PPP2R3A: variants seen among roughly 807,000 people sequenced by gnomAD.
PPP2R3A encodes protein phosphatase 2 regulatory subunit B''alpha, also known as serine/threonine-protein phosphatase 2A regulatory subunit B'' subunit alpha.
PPP2R3A carries 80 observed loss-of-function variants against 106.9 expected under a neutral mutation model. The ratio of observed to expected loss-of-function variants is 0.75; its 90% confidence interval spans 0.62 to 0.90. The LOEUF (loss-of-function observed/expected upper bound fraction) is 0.90, where lower values mean the gene tolerates loss of function less well. Among genes scored for constraint, PPP2R3A ranks in the 40% least tolerant of loss-of-function variants. The pLI is 0.00. For synonymous variants in PPP2R3A, 483 were observed against 468.3 expected (o/e 1.03, Z -0.41); for missense variants, 1,386 against 1,350.4 (o/e 1.03, Z -0.41).
At position 136,145,347 on chromosome 3, in the gene PPP2R3A, C is replaced by G; in HGVS notation, c.*181C>G. 1 of 707,070 alleles carries G rather than the reference C, an allele frequency of 1.4e-6. No homozygotes were observed. Among genetic ancestry groups the G allele is most frequent in the Non-Finnish European group, 2.1e-6 (1 of 485,336 alleles). 43.8% of individuals were successfully genotyped at this position (707,070 alleles called of 1,614,324 possible). ...TACACATTTAACTTAGGAGGCTCCT[C>G]CAATTTGCCTCAAACCTCTTACGGA... On this transcript the variant is annotated 3_prime_UTR_variant, in exon 14 of 14. Coordinates refer to ENST00000264977, the MANE Select transcript of PPP2R3A (RefSeq NM_002718.5).
At chr3:136,058,939 CA>C (rs1935977016) in intron 5 of PPP2R3A, among the ~76,000 whole-genome samples, 1 of 152,108 alleles carries the variant, frequency 6.6e-6, no homozygotes, top group Non-Finnish European at 1.5e-5. Context: ...TGGCTAGCCA[CA>C]TGCAGATTAA....
chr3:136,073,048 A>G (rs1402324389), intron 6 of PPP2R3A, among the ~76,000 whole-genome samples: 2 of 152,096 alleles, frequency 1.3e-5, no homozygotes, highest in East Asian at 3.9e-4. Context: ...GCTCACTGCA[A>G]GCTCCACCTC....
chr3:135,990,392 C>T (rs1243443892), intron 1 of PPP2R3A, among the ~76,000 whole-genome samples: 1 of 152,190 alleles, frequency 6.6e-6, no homozygotes, highest in Non-Finnish European at 1.5e-5. Flanking sequence ...TGATCTCCAT[C>T]AGGACCCAGG....
intron 5 of PPP2R3A, among the ~76,000 whole-genome samples, chr3:136,066,793 A>G (rs1022790402): frequency 4.6e-5 from 7 of 152,152 alleles, no homozygotes; most frequent in African/African-American, 1.7e-4. Context: ...CCTATGATCC[A>G]GTCACCTTCC....
intron 2 of PPP2R3A, among the ~76,000 whole-genome samples, chr3:136,022,567 G>A (rs552252969): frequency 1.2e-4 from 18 of 152,118 alleles, no homozygotes; most frequent in Middle Eastern, 3.4e-3. Flanking sequence ...AGAAAAAGCC[G>A]AAAATGTTCT....
At chr3:135,995,436 T>TA (rs562914239) in intron 1 of PPP2R3A, among the ~76,000 whole-genome samples, 12 of 151,116 alleles carry the variant, frequency 7.9e-5, no homozygotes, top group East Asian at 5.8e-4. Flanking sequence ...CTATGAGACT[T>TA]ACGTTGACAG....
At chr3:136,070,277 GA>G (rs1936384904) in intron 5 of PPP2R3A, among the ~76,000 whole-genome samples, 200 bp from the exon 6 acceptor site, 1 of 152,078 alleles carries the variant, frequency 6.6e-6, no homozygotes. Flanking sequence ...AACTTTTTTT[GA>G]AGTATGCTGT....
At chr3:136,135,150 G>A (rs916617173) in intron 13 of PPP2R3A, among the ~76,000 whole-genome samples, 1 of 152,130 alleles carries the variant, frequency 6.6e-6, no homozygotes, top group Non-Finnish European at 1.5e-5. Flanking sequence ...GTGAGGAGGG[G>A]TCACAAGAGG....
chr3:136,076,925 C>T (rs1317079908), intron 6 of PPP2R3A, among the ~76,000 whole-genome samples: 3 of 147,438 alleles, frequency 2.0e-5, no homozygotes, highest in South Asian at 2.1e-4. Flanking sequence ...CCAGCCTGGG[C>T]GACAGGGTGA....
chr3:136,144,997 C>A, intron 13 of PPP2R3A, 46 bp from the exon 14 acceptor site: 1 of 1,586,354 alleles, frequency 6.3e-7, no homozygotes, highest in East Asian at 2.3e-5. Flanking sequence ...TCTACCCAAA[C>A]TTTAATCAAT....
intron 1 of PPP2R3A, among the ~76,000 whole-genome samples, chr3:135,980,099 G>A (rs1937518591): frequency 1.3e-5 from 2 of 151,740 alleles, no homozygotes; most frequent in Non-Finnish European, 2.9e-5. Flanking sequence ...CATCATGAAT[G>A]CCCCGAAAGA....
At chr3:136,118,223 C>T (rs942742329) in intron 13 of PPP2R3A, among the ~76,000 whole-genome samples, 4 of 152,084 alleles carry the variant, frequency 2.6e-5, no homozygotes, top group Non-Finnish European at 5.9e-5. Context: ...TGATGGAACA[C>T]AGTCTCAAAA....
intron 13 of PPP2R3A, among the ~76,000 whole-genome samples, chr3:136,127,515 A>G (rs1169718033): frequency 1.3e-5 from 2 of 152,226 alleles, no homozygotes; most frequent in Admixed American, 6.5e-5. Flanking sequence ...GGACTATGCG[A>G]AAAAACCAAA....
rs77511249 is a variant in PPP2R3A at position 136,000,952 on chromosome 3, G to T, written c.-440-107G>T. Reference sequence around the variant, plus strand: ...TTGAATATCAGCTGTAAGGGATATTGCAGATAATAAAGCGTGGTGGTTAAC... The same window carrying T: ...TTGAATATCAGCTGTAAGGGATATTTCAGATAATAAAGCGTGGTGGTTAAC... On this transcript the variant is annotated intron_variant, in intron 1 of 13. Coordinates refer to ENST00000264977, the MANE Select transcript of PPP2R3A (RefSeq NM_002718.5). 8.0e-3 allele frequency: 3,097 copies of T among 385,988 alleles called. 90 individuals are homozygous for T. The highest frequency in any genetic ancestry group is 0.059 in the African/African-American group (2,875 of 48,434). 23.9% of individuals were successfully genotyped at this position (385,988 alleles called of 1,614,324 possible).
In PPP2R3A at chr3:136,145,322, T is replaced by C; in HGVS notation, c.*156T>C. The C allele has an allele frequency of 1.0e-6, 1 of 952,450 alleles. No homozygotes were observed. 59.0% of individuals were successfully genotyped at this position (952,450 alleles called of 1,614,324 possible). On this transcript the variant is annotated 3_prime_UTR_variant, in exon 14 of 14. Transcript: ENST00000264977. ...TTTGTTTTTAAGCAATAGGTCTGGA[T>C]ACACATTTAACTTAGGAGGCTCCTC...
At chr3:135,972,162 A>G (rs13100235) in intron 1 of PPP2R3A, among the ~76,000 whole-genome samples, 86,208 of 152,006 alleles carry the variant, frequency 0.57, 24,914 homozygotes, top group South Asian at 0.61. Flanking sequence ...GCACCCGCCA[A>G]TTTGCTTTCT....
chr3:136,038,084 C>T (rs1476301224), intron 3 of PPP2R3A, among the ~76,000 whole-genome samples: 24 of 152,168 alleles, frequency 1.6e-4, no homozygotes, highest in Admixed American at 1.5e-3. Flanking sequence ...TATTGATCTC[C>T]TGGCTCCTTT....
At chr3:135,991,000 T>C (rs911402324) in intron 1 of PPP2R3A, among the ~76,000 whole-genome samples, 1 of 152,146 alleles carries the variant, frequency 6.6e-6, no homozygotes, top group Non-Finnish European at 1.5e-5. Flanking sequence ...ACCAAGTTCC[T>C]GCTAGCTCCC....
Position 136,041,845 on chromosome 3 carries a change from C to T in PPP2R3A, c.2366+883C>T, listed in dbSNP as rs555124628. Among the ~76,000 whole-genome samples the T allele has an allele frequency of 2.6e-5, 4 of 152,266 alleles. No individual in the cohort carries two copies. In the East Asian group the frequency reaches 7.7e-4, roughly 29 times the overall value. ...ATTTTCTTGAATTCAAACCCAACAT[C>T]TTTCTTCTTTATCTCTTTTTTCTCC... On this transcript the variant is annotated intron_variant, in intron 4 of 13. Coordinates refer to ENST00000264977, the MANE Select transcript of PPP2R3A (RefSeq NM_002718.5).
Sources: allele counts gnomAD v4.1 joint callset (sites outside exome capture counted in the v4.1 genomes callset), GRCh38; gene constraint gnomAD v4.1.1; transcripts MANE v1.5; gene names NCBI Gene and HGNC (gene_info 2026-07-23, HGNC 2026-07-21).